KIF3C: variants seen among roughly 807,000 people sequenced by gnomAD.
KIF3C encodes the protein kinesin family member 3C.
A neutral mutation model predicts 67.7 loss-of-function variants in KIF3C; 12 were observed. The ratio of observed to expected loss-of-function variants is 0.18; its 90% CI spans 0.11 to 0.29. The LOEUF is 0.29. Among genes scored for constraint, KIF3C ranks in the 10% least tolerant of loss-of-function variants. KIF3C has a pLI of 1.00. For synonymous variants in KIF3C, 393 were observed against 426.2 expected (o/e 0.92, Z 0.96); for missense variants, 789 against 1,059.6 (o/e 0.74, Z 3.55).
At chr2:25,946,524 C>T (rs1322759486) in intron 5 of KIF3C, among the ~76,000 whole-genome samples, 1 of 152,132 alleles carries the variant, frequency 6.6e-6, no homozygotes, top group African/African-American at 2.4e-5. Flanking sequence ...CCAGTCCCTA[C>T]TAAAAATACA....
intron 4 of KIF3C, among the ~76,000 whole-genome samples, chr2:25,952,517 G>GTA (rs993787346): frequency 2.4e-5 from 3 of 124,722 alleles, no homozygotes; most frequent in South Asian, 2.5e-4. Context: ...TAACTTAATT[G>GTA]TATATATATG....
chr2:25,980,367 C>T lies in KIF3C; in HGVS notation c.1545+6G>A. On this transcript the variant is annotated splice_donor_region_variant and intron_variant, in intron 1 of 7. Coordinates refer to ENST00000264712, the MANE Select transcript of KIF3C (RefSeq NM_002254.8). This position sits in a 1 kb window ranked among gnomAD's most constrained non-coding sequence, Gnocchi z 7.6. The stretch of plus-strand genomic sequence containing the variant: ...CTCGAGTGCCCAGCTCCTCTGGGGC[C>T]CTTACCTTGTACTTGGCCGCAAGCA... 6.2e-7 allele frequency: 1 copy of T among 1,609,472 alleles called. No homozygotes were observed. Among genetic ancestry groups the T allele is most frequent in the Non-Finnish European group, 8.5e-7 (1 of 1,177,332 alleles).
chr2:25,978,613 T>C (rs893742744), intron 1 of KIF3C, among the ~76,000 whole-genome samples: 7 of 152,276 alleles, frequency 4.6e-5, no homozygotes, highest in South Asian at 4.1e-4. Context: ...TGCCCCATAC[T>C]GCCTTAGATC....
chr2:25,935,370 C>G (rs1470877312), intron 5 of KIF3C, among the ~76,000 whole-genome samples: 2 of 152,138 alleles, frequency 1.3e-5, no homozygotes, highest in East Asian at 1.9e-4. Context: ...TTTGCTGAAG[C>G]CTTTTTTTTT....
chr2:25,947,466 A>T (rs1663476494), intron 5 of KIF3C, among the ~76,000 whole-genome samples: 1 of 151,688 alleles, frequency 6.6e-6, no homozygotes, highest in African/African-American at 2.4e-5. Context: ...CTGTAGTCCC[A>T]GCTACTCGGG....
At chr2:25,960,170 G>A (rs1663910736) in intron 1 of KIF3C, among the ~76,000 whole-genome samples, 1 of 152,186 alleles carries the variant, frequency 6.6e-6, no homozygotes, top group African/African-American at 2.4e-5. Context: ...TTGGGAGGCT[G>A]AGGCAGGAGG....
At chr2:25,963,164 ATG>A (rs750486633) in intron 1 of KIF3C, among the ~76,000 whole-genome samples, 1 of 59,074 alleles carries the variant, frequency 1.7e-5, no homozygotes, top group Non-Finnish European at 2.9e-5. Flanking sequence ...GTGTGTATGT[ATG>A]TGTGTGTGTA....
At chr2:25,966,004 T>C (rs1664131244) in intron 1 of KIF3C, among the ~76,000 whole-genome samples, 1 of 152,024 alleles carries the variant, frequency 6.6e-6, no homozygotes. Flanking sequence ...CAAGGGGACT[T>C]TGGGAATCAT....
rs1439247174 is a variant in KIF3C at position 25,955,181 on chromosome 2, C to A, written c.1770+360G>T. ...CCTGAGCTTCCCGGGGTTCCAGTCT[C>A]CTCCTCAGCCTCTCTGTATTCCCCT... On this transcript the variant is annotated intron_variant, in intron 3 of 7. Coordinates refer to ENST00000264712, the MANE Select transcript of KIF3C (RefSeq NM_002254.8). This position sits in a 1 kb window ranked among gnomAD's most constrained non-coding sequence, Gnocchi z 5.0. Among the ~76,000 whole-genome samples, 3 of 152,170 alleles carry A rather than the reference C, an allele frequency of 2.0e-5. No individual in the cohort carries two copies. The highest frequency in any genetic ancestry group is 4.4e-5 in the Non-Finnish European group (3 of 68,026).
chr2:25,945,115 G>A (rs1489802377), intron 5 of KIF3C, among the ~76,000 whole-genome samples: 3 of 148,770 alleles, frequency 2.0e-5, no homozygotes, highest in East Asian at 2.0e-4. Context: ...TGGGCAACAA[G>A]AGCAAAACTC....
intron 1 of KIF3C, among the ~76,000 whole-genome samples, chr2:25,966,043 G>T (rs936256472): frequency 6.6e-6 from 1 of 151,958 alleles, no homozygotes; most frequent in East Asian, 1.9e-4. Context: ...TTTATAGATG[G>T]GAAACAAAGG....
intron 5 of KIF3C, among the ~76,000 whole-genome samples, chr2:25,939,149 G>A (rs889606414): frequency 2.6e-5 from 4 of 152,056 alleles, no homozygotes; most frequent in African/African-American, 7.2e-5. Flanking sequence ...TGTATTTTTA[G>A]TAGAGACGGG....
chr2:25,930,339 A>G (rs1282188266), intron 5 of KIF3C, among the ~76,000 whole-genome samples: 3 of 152,056 alleles, frequency 2.0e-5, no homozygotes, highest in African/African-American at 7.2e-5. Context: ...CACCTGCATC[A>G]CTTCTATTAG....
intron 1 of KIF3C, among the ~76,000 whole-genome samples, chr2:25,956,994 C>T (rs1663821362): frequency 6.6e-6 from 1 of 152,166 alleles, no homozygotes. Flanking sequence ...ACAGCAGGAG[C>T]TTTGGAGAGG....
intron 5 of KIF3C, 63 bp from the exon 6 acceptor site, chr2:25,930,126 G>T: frequency 7.5e-7 from 1 of 1,327,804 alleles, no homozygotes; most frequent in Non-Finnish European, 1.1e-6. Context: ...ATGACATCAT[G>T]AGGACCTAAA....
At chr2:25,942,065 T>A (rs774135953) in intron 5 of KIF3C, among the ~76,000 whole-genome samples, 1 of 151,596 alleles carries the variant, frequency 6.6e-6, no homozygotes, top group Non-Finnish European at 1.5e-5. Flanking sequence ...TAAATAAAAT[T>A]TAAAAATCTA....
chr2:25,946,709 C>T (rs1011139191), intron 5 of KIF3C, among the ~76,000 whole-genome samples: 2 of 151,270 alleles, frequency 1.3e-5, no homozygotes, highest in African/African-American at 4.9e-5. Context: ...AAAAACTTGG[C>T]TGGGTGTCGT....
chr2:25,928,898 C>A lies in KIF3C; in HGVS notation c.*80G>T. The A allele has an allele frequency of 8.2e-7, 1 of 1,219,582 alleles. No homozygotes were observed. Among genetic ancestry groups the A allele is most frequent in the South Asian group, 1.3e-5 (1 of 76,890 alleles). The allele number at this position is 1,219,582 out of a possible 1,614,324, so 75.5% of individuals were successfully genotyped here. On this transcript the variant is annotated 3_prime_UTR_variant, in exon 8 of 8. Coordinates refer to ENST00000264712, the MANE Select transcript of KIF3C (RefSeq NM_002254.8). Reference sequence around the variant, plus strand: ...GCACATGCACGCACACGCACACGCACCAAGCGGCAGATGAGATGAGCCAGG... The same window carrying A: ...GCACATGCACGCACACGCACACGCAACAAGCGGCAGATGAGATGAGCCAGG...
In KIF3C at chr2:25,958,252, C is replaced by T. The variant is rs71441006; in HGVS notation, c.1546-1808G>A. On this transcript the variant is annotated intron_variant, in intron 1 of 7. Coordinates refer to ENST00000264712, the MANE Select transcript of KIF3C (RefSeq NM_002254.8). This position sits in a 1 kb window ranked among gnomAD's most constrained non-coding sequence, Gnocchi z 4.5. The stretch of plus-strand genomic sequence containing the variant: ...CACTGCCTCAGTGTCCCCTTCCACC[C>T]CTCTGCCACATGACACCCAGGCAGA... Among the ~76,000 whole-genome samples the T allele has an allele frequency of 0.12, 18,021 of 152,166 alleles. 1,350 individuals carry two copies. Among genetic ancestry groups the T allele is most frequent in the African/African-American group, 0.2 (8,296 of 41,478 alleles).
Sources: gnomAD v4.1 joint callset for allele counts (sites outside exome capture counted in the v4.1 genomes callset) on GRCh38, gnomAD v4.1.1 for gene constraint, Gnocchi (gnomAD v3.1) non-coding constraint, MANE v1.5 for transcripts, NCBI Gene and HGNC (gene_info 2026-07-23, HGNC 2026-07-21) for gene names.